MAP2K6: variants seen among roughly 807,000 people sequenced by gnomAD.
MAP2K6 encodes the protein dual specificity mitogen-activated protein kinase kinase 6.
In MAP2K6, 16 loss-of-function variants were observed where a neutral mutation model predicts 53.7. The observed-to-expected ratio is 0.30, with a 90% confidence interval of 0.20 to 0.45. The LOEUF is 0.45. MAP2K6 is among the 20% of genes least tolerant of loss of function. MAP2K6 has a pLI of 1.00. For synonymous variants in MAP2K6, 132 were observed against 143.1 expected (o/e 0.92, Z 0.55); for missense variants, 204 against 411.9 (o/e 0.50, Z 4.37).
chr17:69,472,378 A>G (rs1481923766), intron 1 of MAP2K6, among the ~76,000 whole-genome samples: 1 of 152,204 alleles, frequency 6.6e-6, no homozygotes, highest in Non-Finnish European at 1.5e-5. Context: ...TTCATTCAAC[A>G]TTGTTTTATT....
chr17:69,464,386 C>T (rs1230367914), intron 1 of MAP2K6, among the ~76,000 whole-genome samples: 1 of 152,032 alleles, frequency 6.6e-6, no homozygotes, highest in East Asian at 1.9e-4. Context: ...ACTTTTGAGA[C>T]AGAGTCTTGC....
chr17:69,439,871 CACACCAG>C (rs1441264534), intron 1 of MAP2K6, among the ~76,000 whole-genome samples: 1 of 152,174 alleles, frequency 6.6e-6, no homozygotes, highest in East Asian at 1.9e-4. Flanking sequence ...ATTACATTCA[CACACCAG>C]ACACTGTGCT....
intron 1 of MAP2K6, chr17:69,435,533 CAA>C (rs756597132): frequency 4.6e-4 from 30 of 64,954 alleles, no homozygotes; most frequent in Admixed American, 4.9e-4. Flanking sequence ...GATCCTGTCT[CAA>C]AAAAAAAAAA....
chr17:69,423,623 C>G (rs1313749689), intron 1 of MAP2K6, among the ~76,000 whole-genome samples: 3 of 152,176 alleles, frequency 2.0e-5, no homozygotes, highest in Admixed American at 2.0e-4. Flanking sequence ...TGGGCCCAGC[C>G]CACAGGAAAC....
chr17:69,532,407 A>G (rs1041720404), intron 10 of MAP2K6, among the ~76,000 whole-genome samples: 2 of 152,238 alleles, frequency 1.3e-5, no homozygotes, highest in African/African-American at 2.4e-5. Flanking sequence ...TTTTAGTGTC[A>G]GCTATGGTCA....
At chr17:69,422,945 G>A (rs905987954) in intron 1 of MAP2K6, among the ~76,000 whole-genome samples, 4 of 152,234 alleles carry the variant, frequency 2.6e-5, no homozygotes, top group South Asian at 4.1e-4. Context: ...GTGCAATGGC[G>A]CGATCTTGGC....
chr17:69,445,521 A>G (rs1011791304), intron 1 of MAP2K6, among the ~76,000 whole-genome samples: 1 of 152,260 alleles, frequency 6.6e-6, no homozygotes, highest in Non-Finnish European at 1.5e-5. Context: ...AAAGTTAACA[A>G]AGAAGAATAC....
At position 69,510,523 on chromosome 17, in the gene MAP2K6, A is replaced by G. The variant is rs377511452; in HGVS notation, c.83+4677A>G. 5.9e-5 allele frequency among the ~76,000 whole-genome samples: 9 copies of G among 152,318 alleles called. No individual in the cohort carries two copies. The East Asian group carries it at 9.6e-4, about 16-fold the overall frequency. On this transcript the variant is annotated intron_variant, in intron 2 of 11. Transcript: ENST00000590474. ...GCTTCTATTTTTTGGTAGACATTGT[A>G]TAATATTGGTGCTAATTATTTGGAT...
chr17:69,516,887 T>A lies in MAP2K6; in HGVS notation c.116T>A (p.Ile39Asn). The stretch of plus-strand genomic sequence containing the variant: ...CGAGATTTAGACTCCAAGGCTTGCA[T>A]TTCTATTGGAAATCAGGTAAGAAAA... The part of the protein sequence containing the change: ...PPRDLDSKAC[I>N]SIGNQNFEVK... Residue 39 changes from isoleucine to asparagine, a missense_variant, in exon 3 of 12, where the codon ATT (isoleucine) becomes AAT (asparagine). This residue lies in a region of MAP2K6 where 129 missense variants were observed against 247.1 expected (regional missense o/e 0.52). Coordinates refer to ENST00000590474, the MANE Select transcript of MAP2K6 (RefSeq NM_002758.4). 1 of 1,597,012 alleles carries A rather than the reference T, an allele frequency of 6.3e-7. No homozygotes were observed. Among genetic ancestry groups the A allele is most frequent in the Non-Finnish European group, 8.6e-7 (1 of 1,165,334 alleles).
Position 69,541,756 on chromosome 17 carries a change from A to G in MAP2K6, c.*3A>G, listed in dbSNP as rs776607092. The G allele has an allele frequency of 6.8e-6, 11 of 1,610,966 alleles. No homozygotes were observed. The highest frequency in any genetic ancestry group is 9.3e-6 in the Non-Finnish European group (11 of 1,177,870). ...TAAAACTGATTCTTGGAGACTAAAA[A>G]GCAGTGGACTTAATCGGTTGACCCT... is the stretch of plus-strand genomic sequence containing the variant. On this transcript the variant is annotated 3_prime_UTR_variant, in exon 12 of 12. Transcript: ENST00000590474.
intron 1 of MAP2K6, 105 bp from the exon 2 acceptor site, chr17:69,505,675 T>G: frequency 1.1e-6 from 1 of 875,330 alleles, no homozygotes; most frequent in East Asian, 2.5e-5. Context: ...AATGGAGACA[T>G]GAGAGCTGCC....
intron 2 of MAP2K6, among the ~76,000 whole-genome samples, chr17:69,515,466 T>C (rs1689555824): frequency 6.6e-6 from 1 of 152,224 alleles, no homozygotes; most frequent in Admixed American, 6.5e-5. Context: ...CAGCATTTGC[T>C]ATGTTTATTG....
chr17:69,524,869 C>T, intron 8 of MAP2K6, 32 bp from the exon 9 acceptor site: 2 of 1,534,414 alleles, frequency 1.3e-6, no homozygotes, highest in African/African-American at 1.4e-5. Flanking sequence ...CAATTGTCTT[C>T]CCAGTTTCTC....
intron 1 of MAP2K6, among the ~76,000 whole-genome samples, chr17:69,455,425 T>C (rs1390669462): frequency 6.6e-6 from 1 of 152,182 alleles, no homozygotes; most frequent in Non-Finnish European, 1.5e-5. Flanking sequence ...CATGATGTAA[T>C]ATGACAACCT....
At chr17:69,536,188 A>G (rs200309814) in intron 11 of MAP2K6, 28 bp downstream of exon 11, 44 of 1,581,426 alleles carry the variant, frequency 2.8e-5, no homozygotes, top group Non-Finnish European at 3.6e-5. Flanking sequence ...CGTAAACATG[A>G]CTATACTGAT....
chr17:69,498,277 G>C (rs932309969), intron 1 of MAP2K6, among the ~76,000 whole-genome samples: 1 of 141,880 alleles, frequency 7.0e-6, no homozygotes. Flanking sequence ...GTGAGAAATG[G>C]TAAAACAAGA....
intron 1 of MAP2K6, among the ~76,000 whole-genome samples, chr17:69,492,500 G>C (rs373368727): frequency 2.4e-4 from 37 of 152,156 alleles, no homozygotes; most frequent in African/African-American, 8.4e-4. Context: ...ATTCTGTCCC[G>C]TTAAAACACC....
intron 10 of MAP2K6, among the ~76,000 whole-genome samples, chr17:69,528,533 C>T (rs1312410037): frequency 6.6e-6 from 1 of 151,882 alleles, no homozygotes; most frequent in East Asian, 1.9e-4. Flanking sequence ...TATTTATTGC[C>T]TTATCCTCAG....
At chr17:69,416,389 A>C (rs756103044) in intron 1 of MAP2K6, among the ~76,000 whole-genome samples, 17 of 152,198 alleles carry the variant, frequency 1.1e-4, no homozygotes, top group Admixed American at 2.0e-4. Flanking sequence ...TATCAGGTGG[A>C]GATGTTCCTC....
Sources: gnomAD v4.1 joint callset for allele counts (sites outside exome capture counted in the v4.1 genomes callset) on GRCh38, gnomAD v4.1.1 for gene constraint, gnomAD v4.1.1 regional missense constraint, MANE v1.5 for transcripts, NCBI Gene and HGNC (gene_info 2026-07-23, HGNC 2026-07-21) for gene names.